Variants in ENOX1 observed in about 807,000 individuals in gnomAD.
ENOX1 encodes the protein ecto-NOX disulfide-thiol exchanger 1.
A neutral mutation model predicts 82.5 loss-of-function variants in ENOX1; 42 were observed. The observed-to-expected ratio is 0.51, with a 90% CI of 0.40 to 0.66. The LOEUF is 0.66. Ranked by LOEUF, ENOX1 falls within the 30% of genes least tolerant of loss-of-function variation. The pLI is 0.00. For missense variants in ENOX1, 608 were observed against 811.6 expected (o/e 0.75, Z 3.05); for synonymous variants, 271 against 282.2 (o/e 0.96, Z 0.40).
At chr13:43,221,203 T>C (rs1217588907) in intron 16 of ENOX1, among the ~76,000 whole-genome samples, 1 of 152,122 alleles carries the variant, frequency 6.6e-6, no homozygotes, top group Non-Finnish European at 1.5e-5. Flanking sequence ...GCTGCAGGTG[T>C]GTAGAGGGGG....
At chr13:43,418,443 G>A (rs571139893) in intron 3 of ENOX1, among the ~76,000 whole-genome samples, 3 of 152,064 alleles carry the variant, frequency 2.0e-5, no homozygotes, top group African/African-American at 4.8e-5. Context: ...CAGGAGAATC[G>A]CTTGAACCCA....
At chr13:43,641,538 T>TTTTTC in intron 2 of ENOX1, among the ~76,000 whole-genome samples, 1 of 121,384 alleles carries the variant, frequency 8.2e-6, no homozygotes, top group South Asian at 3.1e-4. Flanking sequence ...AATTTTTTTT[T>TTTTTC]TTTTTTTTTT....
chr13:43,714,475 C>T (rs1442999498), intron 1 of ENOX1, among the ~76,000 whole-genome samples: 1 of 152,098 alleles, frequency 6.6e-6, no homozygotes, highest in Non-Finnish European at 1.5e-5. Context: ...TCTTTGTTAA[C>T]TTTCTGTCTC....
At chr13:43,515,146 A>C (rs918674263) in intron 2 of ENOX1, among the ~76,000 whole-genome samples, 4 of 152,160 alleles carry the variant, frequency 2.6e-5, no homozygotes, top group African/African-American at 9.7e-5. Context: ...TGGGACCAAA[A>C]CACAGGACTT....
At chr13:43,569,730 A>C (rs2153710386) in intron 2 of ENOX1, among the ~76,000 whole-genome samples, 1 of 151,720 alleles carries the variant, frequency 6.6e-6, no homozygotes, top group Non-Finnish European at 1.5e-5. Context: ...ACAACCAATC[A>C]TCATTCTCCA....
intron 12 of ENOX1, among the ~76,000 whole-genome samples, chr13:43,284,836 A>G (rs2153494317): frequency 6.6e-6 from 1 of 151,836 alleles, no homozygotes; most frequent in East Asian, 1.9e-4. Flanking sequence ...GGAGATAGGA[A>G]TAGAGACAGA....
At chr13:43,722,147 T>C (rs1423406581) in intron 1 of ENOX1, among the ~76,000 whole-genome samples, 1 of 152,134 alleles carries the variant, frequency 6.6e-6, no homozygotes, top group Non-Finnish European at 1.5e-5. Flanking sequence ...TTTTGCAAAA[T>C]AGGGATAAAA....
chr13:43,663,529 C>T (rs1268235132), intron 2 of ENOX1, among the ~76,000 whole-genome samples: 3 of 152,150 alleles, frequency 2.0e-5, no homozygotes, highest in African/African-American at 7.2e-5. Flanking sequence ...AGTTTAGTTG[C>T]TCTGTTTCCT....
intron 3 of ENOX1, among the ~76,000 whole-genome samples, chr13:43,467,346 T>C (rs2057774205): frequency 6.6e-6 from 1 of 152,202 alleles, no homozygotes; most frequent in Non-Finnish European, 1.5e-5. Context: ...CTAAAAATGA[T>C]AGACTATAGT....
intron 3 of ENOX1, among the ~76,000 whole-genome samples, chr13:43,480,492 A>G (rs543108544): frequency 3.9e-5 from 6 of 152,338 alleles, no homozygotes; most frequent in Non-Finnish European, 8.8e-5. Flanking sequence ...ATCTCTCCCA[A>G]AGAGAAAAAG....
chr13:43,315,353 A>G (rs1204912694), intron 11 of ENOX1, among the ~76,000 whole-genome samples: 2 of 152,246 alleles, frequency 1.3e-5, no homozygotes, highest in African/African-American at 2.4e-5. Context: ...GACAAAATTC[A>G]TCGATGTTGT....
intron 16 of ENOX1, 46 bp downstream of exon 16, chr13:43,224,007 A>G (rs761454218): frequency 4.1e-6 from 6 of 1,446,210 alleles, no homozygotes; most frequent in South Asian, 2.3e-5. Context: ...AGCAATCAAC[A>G]TGCTAAATTT....
chr13:43,541,343 A>G (rs1360962009), intron 2 of ENOX1, among the ~76,000 whole-genome samples: 1 of 151,804 alleles, frequency 6.6e-6, no homozygotes, highest in South Asian at 2.1e-4. Flanking sequence ...TACAAAAACA[A>G]TTTAAAAACT....
intron 5 of ENOX1, among the ~76,000 whole-genome samples, chr13:43,393,414 T>A (rs1399402610): frequency 6.6e-6 from 1 of 152,202 alleles, no homozygotes; most frequent in Non-Finnish European, 1.5e-5. Context: ...CAGGCTGAAG[T>A]TTTTTTATTC....
At chr13:43,403,255 A>C (rs1022242716) in intron 5 of ENOX1, among the ~76,000 whole-genome samples, 1 of 152,124 alleles carries the variant, frequency 6.6e-6, no homozygotes, top group Admixed American at 6.5e-5. Flanking sequence ...TATTTGTTGT[A>C]GTATACATAG....
intron 2 of ENOX1, among the ~76,000 whole-genome samples, chr13:43,642,988 A>T (rs1326457910): frequency 6.6e-6 from 1 of 152,238 alleles, no homozygotes; most frequent in Non-Finnish European, 1.5e-5. Flanking sequence ...AGGAAGAAAC[A>T]GTCATTTCAC....
chr13:43,481,141 C>T (rs570082069), intron 3 of ENOX1, among the ~76,000 whole-genome samples: 1 of 152,194 alleles, frequency 6.6e-6, no homozygotes, highest in East Asian at 1.9e-4. Flanking sequence ...CCAAATTCAA[C>T]AGCAGTATGC....
At chr13:43,222,200 G>T (rs187180602) in intron 16 of ENOX1, among the ~76,000 whole-genome samples, 1 of 152,152 alleles carries the variant, frequency 6.6e-6, no homozygotes, top group East Asian at 1.9e-4. Flanking sequence ...TCATCTAATG[G>T]CCAGGGACAA....
intron 8 of ENOX1, among the ~76,000 whole-genome samples, chr13:43,347,020 A>T (rs1190946438): frequency 1.3e-5 from 2 of 152,186 alleles, no homozygotes; most frequent in African/African-American, 4.8e-5. Context: ...GCAGGGACAG[A>T]GTGTAATGCT....
Sources: gnomAD v4.1 joint callset for allele counts (sites outside exome capture counted in the v4.1 genomes callset) on GRCh38, gnomAD v4.1.1 for gene constraint, MANE v1.5 for transcripts, NCBI Gene and HGNC (gene_info 2026-07-23, HGNC 2026-07-21) for gene names.